PTPN22: variants seen among roughly 807,000 people sequenced by gnomAD.
The protein encoded by PTPN22 is tyrosine-protein phosphatase non-receptor type 22.
In PTPN22, 85 loss-of-function variants were observed where a neutral mutation model predicts 103.3. The ratio of observed to expected loss-of-function variants is 0.82; its 90% CI spans 0.69 to 0.99. The LOEUF is 0.99. Among genes scored for constraint, PTPN22 ranks in the 50% least tolerant of loss-of-function variants. The pLI is 0.00. For missense variants in PTPN22, 865 were observed against 936.9 expected (o/e 0.92, Z 1.00); for synonymous variants, 323 against 310.2 (o/e 1.04, Z -0.43).
At chr1:113,820,191 C>T (rs1364790317) in intron 19 of PTPN22, among the ~76,000 whole-genome samples, 2 of 151,808 alleles carry the variant, frequency 1.3e-5, no homozygotes, top group African/African-American at 2.4e-5. Flanking sequence ...CGGTGACTCA[C>T]GCCTGTAATC....
intron 11 of PTPN22, among the ~76,000 whole-genome samples, chr1:113,841,239 A>AAG (rs559155106): frequency 1.3e-5 from 2 of 152,102 alleles, no homozygotes; most frequent in Non-Finnish European, 2.9e-5. Flanking sequence ...GAAAAAAAAA[A>AAG]AGAGAGAGAA....
At chr1:113,846,892 C>T (rs1386574122) in intron 11 of PTPN22, among the ~76,000 whole-genome samples, 1 of 151,088 alleles carries the variant, frequency 6.6e-6, no homozygotes, top group Non-Finnish European at 1.5e-5. Context: ...ACTTTTTTGT[C>T]GTTTTTTGTT....
intron 11 of PTPN22, among the ~76,000 whole-genome samples, chr1:113,845,968 GA>G (rs1664020154): frequency 6.6e-6 from 1 of 152,108 alleles, no homozygotes; most frequent in African/African-American, 2.4e-5. Context: ...CATGTTTACT[GA>G]TATAACTTTT....
intron 20 of PTPN22, among the ~76,000 whole-genome samples, chr1:113,817,604 G>C (rs1008639196): frequency 6.6e-6 from 1 of 150,986 alleles, no homozygotes; most frequent in African/African-American, 2.4e-5. Flanking sequence ...TGCCTGGCTA[G>C]TTCTAAAAAA....
chr1:113,856,468 T>C (rs1665082328), intron 6 of PTPN22, 27 bp from the exon 7 acceptor site: 2 of 1,612,534 alleles, frequency 1.2e-6, no homozygotes, highest in South Asian at 1.1e-5. Flanking sequence ...GACTCAAGTA[T>C]TAGTGATTGC....
At chr1:113,868,688 G>A (rs1666318272) in intron 1 of PTPN22, among the ~76,000 whole-genome samples, 1 of 152,078 alleles carries the variant, frequency 6.6e-6, no homozygotes, top group African/African-American at 2.4e-5. Flanking sequence ...TAATATAAAA[G>A]TCAGGATAGT....
intron 7 of PTPN22, among the ~76,000 whole-genome samples, chr1:113,855,570 G>C (rs190615374): frequency 1.3e-5 from 2 of 149,740 alleles, no homozygotes; most frequent in Non-Finnish European, 3.0e-5. Context: ...AAGACAACTT[G>C]TGGTTAGAAC....
intron 1 of PTPN22, among the ~76,000 whole-genome samples, chr1:113,870,831 C>CA (rs1214144721): frequency 1.3e-5 from 2 of 151,498 alleles, no homozygotes; most frequent in African/African-American, 4.8e-5. Context: ...CAAGCCTGGG[C>CA]AAAAAAGCAA....
At chr1:113,815,485 T>C (rs1345355256) in intron 20 of PTPN22, 1 of 152,166 alleles carries the variant, frequency 6.6e-6, no homozygotes, top group African/African-American at 2.4e-5. Context: ...AAGTAAACAT[T>C]ATTATTTATC....
chr1:113,826,659 A>AT (rs10563752), intron 18 of PTPN22, among the ~76,000 whole-genome samples: 12,624 of 63,120 alleles, frequency 0.2, 3,695 homozygotes, highest in African/African-American at 0.32. Context: ...GGAGTCTCTA[A>AT]TTTTTTTTTT....
In PTPN22 at chr1:113,857,651, C is replaced by T. The variant is rs567707212; in HGVS notation, c.408+87G>A. 1.3e-5 allele frequency: 16 copies of T among 1,222,526 alleles called. No individual in the cohort carries two copies. In the South Asian group the frequency reaches 1.8e-4, roughly 14 times the overall value. 75.7% of individuals were successfully genotyped at this position (1,222,526 alleles called of 1,614,324 possible). A position where few individuals can be genotyped will look rare whatever the true frequency, so the allele number is the denominator to read the frequency against. ...AGATGACATAAGTTTTATCTAGGTA[C>T]ACTCAGGTAAGTTCTGCTGCCAATT... is the stretch of plus-strand genomic sequence containing the variant. On this transcript the variant is annotated intron_variant, in intron 5 of 20. Transcript: ENST00000359785.
At chr1:113,833,169 G>T in intron 15 of PTPN22, 31 bp from the exon 16 acceptor site, 1 of 1,503,942 alleles carries the variant, frequency 6.6e-7, no homozygotes, top group South Asian at 1.2e-5. Context: ...AAAAGTGAAA[G>T]AAGAATATGT....
At chr1:113,833,075 G>A (rs1662687243) in intron 16 of PTPN22, 36 bp downstream of exon 16, 2 of 1,538,788 alleles carry the variant, frequency 1.3e-6, no homozygotes, top group African/African-American at 1.4e-5. Context: ...CCAATCTTAG[G>A]GCTAAATGTC....
intron 8 of PTPN22, 31 bp from the exon 9 acceptor site, chr1:113,854,568 C>T (rs1417413292): frequency 5.1e-6 from 8 of 1,581,620 alleles, no homozygotes; most frequent in South Asian, 4.4e-5. Context: ...AGCATGTATG[C>T]ATGTATACCT....
At chr1:113,848,771 A>G in intron 10 of PTPN22, 145 bp from the exon 11 acceptor site, 1 of 738,902 alleles carries the variant, frequency 1.4e-6, no homozygotes, top group Non-Finnish European at 2.2e-6. Flanking sequence ...TAAACTTACT[A>G]ACAATGCCTT....
Position 113,830,123 on chromosome 1 carries a change from T to C in PTPN22, c.2054-94A>G, listed in dbSNP as rs191370222. 7 of 898,186 alleles carry C rather than the reference T, an allele frequency of 7.8e-6. No individual in the cohort carries two copies. In the East Asian group the frequency reaches 1.6e-4, roughly 21 times the overall value. The allele number at this position is 898,186 out of a possible 1,614,324, so 55.6% of individuals were successfully genotyped here. A position where few individuals can be genotyped will look rare whatever the true frequency, so the allele number is the denominator to read the frequency against. On this transcript the variant is annotated intron_variant, in intron 16 of 20. Coordinates refer to ENST00000359785, the Ensembl canonical transcript of PTPN22. ...TCTCTTTGTATAATTTTTTAATCAA[T>C]CAATCTTAGCCGACAATCACCAAAT... is the stretch of plus-strand genomic sequence containing the variant.
chr1:113,814,386 G>A (rs1033519060), exon 21 of PTPN22: 7 of 151,976 alleles, frequency 4.6e-5, no homozygotes, highest in African/African-American at 1.7e-4. Context: ...TAATATTCCA[G>A]TTTTCCACAA....
chr1:113,869,858 T>G (rs774254291), intron 1 of PTPN22, among the ~76,000 whole-genome samples: 6 of 152,148 alleles, frequency 3.9e-5, no homozygotes, highest in Non-Finnish European at 7.3e-5. Context: ...TTATCTCCTT[T>G]CAGGTAACTC....
Position 113,856,574 on chromosome 1 carries a change from C to A in PTPN22, c.454G>T (p.Glu152Ter). ...CAGGATACAGAGAAAGGGCCAAATT[C>A]CAGCTGCATCTCTCCTGGCTCAGCC... The change falls in exon 6 of 21, where the codon GAA becomes TAA. Residue 152 changes from glutamate (E) to a stop codon, truncating the protein, a stop_gained. Coordinates refer to ENST00000359785, the Ensembl canonical transcript of PTPN22. LOFTEE classifies it high-confidence loss of function. 1 of 1,614,204 alleles carries A rather than the reference C, an allele frequency of 6.2e-7. No homozygotes were observed.
Sources: gnomAD v4.1 joint callset for allele counts (sites outside exome capture counted in the v4.1 genomes callset) on GRCh38, gnomAD v4.1.1 for gene constraint, MANE v1.5 for transcripts, NCBI Gene and HGNC (gene_info 2026-07-23, HGNC 2026-07-21) for gene names.